NUP107: variants seen among roughly 807,000 people sequenced by gnomAD.
The protein encoded by NUP107 is nuclear pore complex protein Nup107.
NUP107 carries 101 observed loss-of-function variants against 141.0 expected under a neutral mutation model. The ratio of observed to expected loss-of-function variants is 0.72; its 90% CI spans 0.61 to 0.84. The LOEUF (loss-of-function observed/expected upper bound fraction) is 0.84, where lower values mean the gene tolerates loss of function less well. Among genes scored for constraint, NUP107 ranks in the 40% least tolerant of loss-of-function variants. The pLI is 0.00. For missense variants in NUP107, 941 were observed against 1,102.7 expected, an observed-to-expected ratio of 0.85 and a Z score of 2.08; for synonymous variants, 319 against 363.9, an observed-to-expected ratio of 0.88 and a Z score of 1.41.
chr12:68,742,352 C>T lies in NUP107; in HGVS notation c.2671-3C>T. On this transcript the variant is annotated splice_region_variant and splice_polypyrimidine_tract_variant and intron_variant, in intron 27 of 27. Transcript: ENST00000229179. ...CATTCTTATTTCTCTTTTTAAAAAT[C>T]AGGTATTTTCTAAGGAAGAGCTAAG... The T allele has an allele frequency of 6.4e-7, 1 of 1,569,742 alleles. No individual in the cohort carries two copies.
Position 68,731,731 on chromosome 12 carries a change from T to TG in NUP107, c.1998+19dup, listed in dbSNP as rs751837282. 2.9e-5 allele frequency: 40 copies of TG among 1,393,472 alleles called. No individual in the cohort carries two copies. The highest frequency in any genetic ancestry group is 1.3e-4 in the South Asian group (10 of 75,662). 86.3% of individuals were successfully genotyped at this position (1,393,472 alleles called of 1,614,324 possible). On this transcript the variant is annotated intron_variant, in intron 22 of 27. Coordinates refer to ENST00000229179, the MANE Select transcript of NUP107 (RefSeq NM_020401.4). ...CTGGCACTACTGAGGTAATTTGGGA[T>TG]GGGGGGGCAGAGGTTTCTATAACTT...
intron 20 of NUP107, among the ~76,000 whole-genome samples, 181 bp from the exon 21 acceptor site, chr12:68,730,929 C>A (rs1006554088): frequency 3.3e-5 from 5 of 152,212 alleles, no homozygotes; most frequent in African/African-American, 1.2e-4. Flanking sequence ...GATCATGCCA[C>A]TGTACCCTAA....
intron 4 of NUP107, among the ~76,000 whole-genome samples, chr12:68,691,746 A>G (rs1163275241): frequency 2.0e-5 from 3 of 151,468 alleles, no homozygotes; most frequent in Non-Finnish European, 4.4e-5. Flanking sequence ...AAGTGGGAAG[A>G]TGGCTTGAGC....
chr12:68,694,183 A>G (rs2136000051), intron 5 of NUP107, among the ~76,000 whole-genome samples: 1 of 152,342 alleles, frequency 6.6e-6, no homozygotes, highest in East Asian at 1.9e-4. Flanking sequence ...AGGTACTCGT[A>G]TTAAGTGACT....
chr12:68,705,532 TAA>T (rs34838748), intron 8 of NUP107: 2,664 of 207,672 alleles, frequency 0.013, no homozygotes, highest in South Asian at 0.032. Context: ...AAGTATTCTT[TAA>T]AAAAAAAAAA....
chr12:68,730,733 G>C lies in NUP107; in HGVS notation c.1735-377G>C, dbSNP rs146926274. ...TAATCCCAGCACTTTAGGAGGCCAAGGTGGGCAGATCACTTGAGCCCAGGA... is the reference window on the plus strand; with the variant it reads ...TAATCCCAGCACTTTAGGAGGCCAACGTGGGCAGATCACTTGAGCCCAGGA... On this transcript the variant is annotated intron_variant, in intron 20 of 27. Coordinates refer to ENST00000229179, the MANE Select transcript of NUP107 (RefSeq NM_020401.4). Among the ~76,000 whole-genome samples, 813 of 152,330 alleles carry C rather than the reference G, an allele frequency of 5.3e-3. 6 individuals carry two copies. Among genetic ancestry groups the C allele is most frequent in the African/African-American group, 0.019 (776 of 41,582 alleles).
chr12:68,689,170 C>CT (rs1453067584), intron 2 of NUP107, 117 bp downstream of exon 2: 2 of 654,738 alleles, frequency 3.1e-6, no homozygotes, highest in East Asian at 3.0e-5. Context: ...CCTGTAGAAA[C>CT]TTTTTTTCAC....
intron 11 of NUP107, chr12:68,714,340 TGAAAATTGTTTGGGAAAAAGAAAAA>T (rs1877007527): frequency 6.6e-6 from 1 of 152,328 alleles, no homozygotes; most frequent in East Asian, 1.9e-4. Context: ...AGGTTTTTGA[TGAAAATTGTTTGGGAAAAAGAAAAA>T]GAAAATTGTT....
At chr12:68,706,178 G>A (rs1298768333) in intron 8 of NUP107, 1 of 766,708 alleles carries the variant, frequency 1.3e-6, no homozygotes, top group African/African-American at 1.7e-5. Context: ...GTACGAGGAT[G>A]ATATCAAAAA....
At position 68,745,136 on chromosome 12, in the gene NUP107, C is replaced by T. The variant is rs1052239501; in HGVS notation, c.*2674C>T. 2.0e-5 allele frequency: 3 copies of T among 152,124 alleles called. No homozygotes were observed. The highest frequency in any genetic ancestry group is 7.2e-5 in the African/African-American group (3 of 41,420). 9.4% of individuals were successfully genotyped at this position (152,124 alleles called of 1,614,324 possible). ...TCACTATGTTGCCCATCCCGGCTTCCAACTCCTGGGCTCAAGCAATCCTCC... is the reference window on the plus strand; with the variant it reads ...TCACTATGTTGCCCATCCCGGCTTCTAACTCCTGGGCTCAAGCAATCCTCC... On this transcript the variant is annotated 3_prime_UTR_variant, in exon 28 of 28. Transcript: ENST00000229179.
At chr12:68,692,875 G>T (rs1875878280) in intron 5 of NUP107, among the ~76,000 whole-genome samples, 1 of 150,970 alleles carries the variant, frequency 6.6e-6, no homozygotes, top group South Asian at 2.1e-4. Context: ...TCAGTCTCCA[G>T]AGTAGCTGGG....
intron 20 of NUP107, among the ~76,000 whole-genome samples, chr12:68,728,174 A>G (rs377458529): frequency 7.7e-4 from 117 of 151,692 alleles, no homozygotes; most frequent in African/African-American, 2.6e-3. Context: ...CTGTAAACCC[A>G]GCTACTCGGG....
intron 22 of NUP107, chr12:68,732,433 G>A (rs374747120): frequency 2.4e-6 from 1 of 411,074 alleles, no homozygotes; most frequent in Non-Finnish European, 4.4e-6. Context: ...AGCATGCCCA[G>A]CAGTATTTTC....
chr12:68,687,871 A>C (rs890970183), intron 1 of NUP107: 1 of 166,572 alleles, frequency 6.0e-6, no homozygotes, highest in African/African-American at 2.4e-5. Context: ...ACTTGCTGAA[A>C]GTTCGGAAGC....
chr12:68,699,795 G>A (rs1038847772), intron 6 of NUP107, among the ~76,000 whole-genome samples: 1 of 152,048 alleles, frequency 6.6e-6, no homozygotes, highest in Admixed American at 6.6e-5. Context: ...CTTTACCCTG[G>A]GTCGTTAAAC....
At chr12:68,706,474 C>T in intron 8 of NUP107, 1 of 716,700 alleles carries the variant, frequency 1.4e-6, no homozygotes. Context: ...AGGCTGAGAG[C>T]ATGAGATCAA....
chr12:68,689,503 A>G (rs781469989), intron 2 of NUP107, 30 bp from the exon 3 acceptor site: 9 of 1,288,730 alleles, frequency 7.0e-6, no homozygotes, highest in Admixed American at 6.5e-5. Context: ...TCTTTTCTAC[A>G]TGGAAAACTT....
intron 26 of NUP107, among the ~76,000 whole-genome samples, chr12:68,736,983 G>A (rs796900187): frequency 6.6e-5 from 10 of 152,098 alleles, no homozygotes; most frequent in African/African-American, 2.2e-4. Flanking sequence ...GATTACAGGC[G>A]TGAGCCACTG....
chr12:68,713,463 C>T (rs1158949196), intron 10 of NUP107, among the ~76,000 whole-genome samples: 2 of 150,702 alleles, frequency 1.3e-5, no homozygotes, highest in Non-Finnish European at 2.9e-5. Context: ...AACTATAACT[C>T]AATAGTAGAA....
Sources: allele counts gnomAD v4.1 joint callset (sites outside exome capture counted in the v4.1 genomes callset), GRCh38; gene constraint gnomAD v4.1.1; transcripts MANE v1.5; gene names NCBI Gene and HGNC (gene_info 2026-07-23, HGNC 2026-07-21).